Variants in RELN observed in about 807,000 individuals in gnomAD.
The protein encoded by RELN is reelin.
Under a neutral mutation model 427.6 loss-of-function variants are expected in RELN, and 108 were observed. The observed-to-expected ratio is 0.25, with a 90% confidence interval of 0.22 to 0.30. The LOEUF (loss-of-function observed/expected upper bound fraction) is 0.30. Ranked by LOEUF, RELN falls within the 10% of genes least tolerant of loss-of-function variation. The pLI is 1.00. For missense variants in RELN, 3,715 were observed against 4,302.8 expected, an observed-to-expected ratio of 0.86 and a Z score of 3.82; for synonymous variants, 1,524 against 1,513.4, an observed-to-expected ratio of 1.01 and a Z score of -0.16.
chr7:103,879,064 C>A (rs1430916845), intron 2 of RELN, among the ~76,000 whole-genome samples: 1 of 152,148 alleles, frequency 6.6e-6, no homozygotes, highest in Non-Finnish European at 1.5e-5. Context: ...TATGTGTAAA[C>A]TATTGTTAAC....
chr7:103,743,113 T>C (rs1331384753), intron 6 of RELN, among the ~76,000 whole-genome samples: 1 of 151,198 alleles, frequency 6.6e-6, no homozygotes. Flanking sequence ...ATATTCAACA[T>C]TCTTAAAGAA....
chr7:103,510,971 T>A lies in RELN; in HGVS notation c.8154A>T (p.Thr2718=), dbSNP rs1554367205. The A allele has an allele frequency of 1.2e-6, 2 of 1,613,738 alleles. No individual in the cohort carries two copies. The highest frequency in any genetic ancestry group is 1.7e-6 in the Non-Finnish European group (2 of 1,179,684). Residue 2718 remains threonine (T), a synonymous_variant, in exon 51 of 65, where the codon ACA becomes ACT. Transcript: ENST00000428762. ...NEHWLFHDDC[T]VERFCDSPDG... ...CAGGGGAGTCACAGAATCTTTCTAC[T>A]GTACAATCATCATGGAATAGCCAGT...
chr7:103,960,525 G>T (rs1675333429), intron 1 of RELN, among the ~76,000 whole-genome samples: 3 of 151,802 alleles, frequency 2.0e-5, no homozygotes, highest in African/African-American at 4.8e-5. Flanking sequence ...TTTTCTGACT[G>T]CCCTCATCTT....
chr7:103,929,103 C>T (rs1464346705), intron 1 of RELN, among the ~76,000 whole-genome samples: 1 of 152,138 alleles, frequency 6.6e-6, no homozygotes, highest in African/African-American at 2.4e-5. Flanking sequence ...GCCTTTAGGT[C>T]ATCAGAATTT....
At position 103,486,398 on chromosome 7, in the gene RELN, A is replaced by AAAAC; in HGVS notation, c.9778_9781dup (p.Phe3261CysfsTer11). On this transcript the variant is annotated frameshift_variant, in exon 61 of 65. Coordinates refer to ENST00000428762, the MANE Select transcript of RELN (RefSeq NM_005045.4). LOFTEE classifies it high-confidence loss of function. ...AATATAACTGGGAAGGTCGTGACTG[A>AAAAC]AAACAGAGCAGTCATCACCTAGAGG... The AAAAC allele has an allele frequency of 1.2e-6, 2 of 1,614,058 alleles. No individual in the cohort carries two copies. Among genetic ancestry groups the AAAAC allele is most frequent in the Non-Finnish European group, 1.7e-6 (2 of 1,179,920 alleles).
chr7:103,599,884 A>G (rs758586478), intron 24 of RELN, among the ~76,000 whole-genome samples: 17 of 152,064 alleles, frequency 1.1e-4, no homozygotes, highest in Non-Finnish European at 2.5e-4. Flanking sequence ...AGAATGAATT[A>G]TGTATGTATG....
intron 12 of RELN, among the ~76,000 whole-genome samples, chr7:103,657,384 G>A (rs144715631): frequency 1.8e-3 from 266 of 151,650 alleles, no homozygotes; most frequent in African/African-American, 5.8e-3. Context: ...ATATAAATAC[G>A]TATATATGAC....
chr7:103,788,543 T>A (rs1033694620), intron 3 of RELN, among the ~76,000 whole-genome samples: 1 of 152,050 alleles, frequency 6.6e-6, no homozygotes, highest in African/African-American at 2.4e-5. Context: ...TATAAACCAA[T>A]AATAGACAAA....
intron 2 of RELN, among the ~76,000 whole-genome samples, chr7:103,846,582 C>G (rs1479991849): frequency 6.6e-6 from 1 of 152,140 alleles, no homozygotes; most frequent in Non-Finnish European, 1.5e-5. Flanking sequence ...CAAATGGGAT[C>G]TAATAAAACT....
rs955735498 is a variant in RELN, at chr7:103,862,408, G to A, written c.338-28736C>T. Among the ~76,000 whole-genome samples the A allele has an allele frequency of 6.9e-5, 7 of 101,720 alleles. No individual in the cohort carries two copies. The East Asian group carries it at 3.8e-3, about 56-fold the overall frequency. The allele number at this position is 101,720 out of a possible 152,430, so 66.7% of individuals were successfully genotyped here. Reference sequence around the variant, plus strand: ...ACTAGTCTCTTCCATTTATGCTTTTGTTCTATCTATCTATCTATCTATCTA... The same window carrying A: ...ACTAGTCTCTTCCATTTATGCTTTTATTCTATCTATCTATCTATCTATCTA... On this transcript the variant is annotated intron_variant, in intron 2 of 64. Transcript: ENST00000428762.
chr7:103,644,391 A>G (rs1832754358), intron 16 of RELN, among the ~76,000 whole-genome samples: 1 of 151,484 alleles, frequency 6.6e-6, no homozygotes, highest in Admixed American at 6.6e-5. Context: ...CAAATTTACC[A>G]AAGATATAAG....
At chr7:103,615,266 C>T (rs1328176027) in intron 20 of RELN, among the ~76,000 whole-genome samples, 2 of 152,202 alleles carry the variant, frequency 1.3e-5, no homozygotes, top group East Asian at 3.9e-4. Context: ...TTATTCCCAC[C>T]TCCAAGAAGG....
At chr7:103,850,703 A>T (rs561897618) in intron 2 of RELN, among the ~76,000 whole-genome samples, 2 of 152,198 alleles carry the variant, frequency 1.3e-5, no homozygotes, top group African/African-American at 4.8e-5. Context: ...TCAAAAGAAG[A>T]TATACAAATG....
chr7:103,618,201 A>G (rs10235411), intron 20 of RELN, among the ~76,000 whole-genome samples: 28,695 of 152,284 alleles, frequency 0.19, 2,937 homozygotes, highest in East Asian at 0.3. Flanking sequence ...GGACTAGAGC[A>G]GAAAATTAAA....
rs1369706147 is a variant in RELN, at chr7:103,736,058, G to C, written c.657-7851C>G. ...CGGATCACACTGCCTGTGCTAAGAA[G>C]AATCTGAGGTGTGAACTTGCAAAGC... On this transcript the variant is annotated intron_variant, in intron 6 of 64. Coordinates refer to ENST00000428762, the MANE Select transcript of RELN (RefSeq NM_005045.4). 2.0e-5 allele frequency among the ~76,000 whole-genome samples: 3 copies of C among 152,208 alleles called. 1 individual carries two copies. Among genetic ancestry groups the C allele is most frequent in the Admixed American group, 2.0e-4 (3 of 15,278 alleles).
chr7:103,550,395 G>GA (rs2117151478), intron 41 of RELN, among the ~76,000 whole-genome samples: 1 of 152,202 alleles, frequency 6.6e-6, no homozygotes, highest in African/African-American at 2.4e-5. Context: ...AATTCTGAAA[G>GA]AAAAAACAGA....
chr7:103,479,049 T>C (rs976042011), intron 63 of RELN, among the ~76,000 whole-genome samples: 2 of 152,184 alleles, frequency 1.3e-5, no homozygotes, highest in African/African-American at 4.8e-5. Flanking sequence ...TTTTAGTAAA[T>C]TCATTCACGA....
At chr7:103,523,348 G>C in intron 47 of RELN, 43 bp downstream of exon 47, 1 of 1,612,398 alleles carries the variant, frequency 6.2e-7, no homozygotes, top group Non-Finnish European at 8.5e-7. Context: ...GATGGAATGT[G>C]AATCAGGAGC....
chr7:103,608,943 C>T lies in RELN; in HGVS notation c.3008+1752G>A, dbSNP rs1176433849. ...GACATCTCTAAAATATACTATTAGG[C>T]TAGGCGCGGTGGGTCATGCCTATAA... is the stretch of plus-strand genomic sequence containing the variant. On this transcript the variant is annotated intron_variant, in intron 22 of 64. Transcript: ENST00000428762. Among the ~76,000 whole-genome samples the T allele has an allele frequency of 2.0e-5, 3 of 152,104 alleles. No individual in the cohort carries two copies. In the East Asian group the frequency reaches 5.8e-4, roughly 29 times the overall value.
Sources: gnomAD v4.1 joint callset for allele counts (sites outside exome capture counted in the v4.1 genomes callset) on GRCh38, gnomAD v4.1.1 for gene constraint, MANE v1.5 for transcripts, NCBI Gene and HGNC (gene_info 2026-07-23, HGNC 2026-07-21) for gene names.